The following DHRSX variants were observed in gnomAD, a reference collection of about 807,000 sequenced individuals.
DHRSX encodes the protein polyprenol dehydrogenase.
A neutral mutation model predicts 34.0 loss-of-function variants in DHRSX; 31 were observed. The observed-to-expected ratio is 0.91, with a 90% CI of 0.69 to 1.23. The LOEUF (loss-of-function observed/expected upper bound fraction) is 1.23. Among genes scored for constraint, DHRSX ranks in the 50% most tolerant of loss-of-function variants. The pLI, the probability that DHRSX is intolerant of heterozygous loss-of-function variation, is 0.00. For synonymous variants in DHRSX, 201 were observed against 183.8 expected (o/e 1.09, Z -0.76); for missense variants, 414 against 428.1 (o/e 0.97, Z 0.29).
At chrX:2,405,927 C>A (rs1381967266) in intron 3 of DHRSX, among the ~76,000 whole-genome samples, 1 of 149,368 alleles carries the variant, frequency 6.7e-6, no homozygotes, top group Non-Finnish European at 1.5e-5. Flanking sequence ...AAATAAGGTA[C>A]CACACATAAA....
chrX:2,382,678 CCATCACCATCATCACCAT>C (rs2043220564), intron 3 of DHRSX, among the ~76,000 whole-genome samples: 1 of 52,172 alleles, frequency 1.9e-5, no homozygotes, highest in Non-Finnish European at 4.3e-5. Flanking sequence ...ATCATCATCA[CCATCACCATCATCACCAT>C]CATCACCATC....
chrX:2,294,808 G>GA (rs200100140), intron 3 of DHRSX, among the ~76,000 whole-genome samples: 56,450 of 149,192 alleles, frequency 0.38, 11,428 homozygotes, highest in Middle Eastern at 0.52. Flanking sequence ...AGAGAGAGAG[G>GA]AAAAAGAGAG....
chrX:2,346,771 G>T (rs1265431131), intron 3 of DHRSX, among the ~76,000 whole-genome samples: 1 of 151,876 alleles, frequency 6.6e-6, no homozygotes, highest in Admixed American at 6.6e-5. Flanking sequence ...TCTACATTAG[G>T]TATTTCTCCT....
chrX:2,439,339 T>C (rs2044035869), intron 1 of DHRSX, among the ~76,000 whole-genome samples: 1 of 151,956 alleles, frequency 6.6e-6, no homozygotes. Context: ...ACAGAATGTA[T>C]ATACATATAT....
intron 3 of DHRSX, among the ~76,000 whole-genome samples, chrX:2,398,883 C>T (rs750405816): frequency 1.2e-4 from 18 of 151,992 alleles, no homozygotes; most frequent in Admixed American, 6.6e-4. Context: ...GACGGTGTCT[C>T]GCTCTGTCGC....
chrX:2,317,785 A>C (rs1193766622), intron 3 of DHRSX, among the ~76,000 whole-genome samples: 1 of 152,190 alleles, frequency 6.6e-6, no homozygotes, highest in African/African-American at 2.4e-5. Context: ...CCACTTTTGC[A>C]TAAGACAAAG....
At chrX:2,291,881 T>C (rs1353305660) in intron 3 of DHRSX, among the ~76,000 whole-genome samples, 3 of 145,542 alleles carry the variant, frequency 2.1e-5, no homozygotes. Context: ...GCCCAGCTAA[T>C]TTTTGTATTT....
At chrX:2,461,934 G>A (rs1469649316) in intron 1 of DHRSX, among the ~76,000 whole-genome samples, 12 of 152,028 alleles carry the variant, frequency 7.9e-5, no homozygotes, top group Non-Finnish European at 1.8e-4. Context: ...GCGATCCACC[G>A]GCCTCGGCCT....
intron 1 of DHRSX, among the ~76,000 whole-genome samples, chrX:2,459,655 T>C (rs1887544553): frequency 6.6e-6 from 1 of 150,382 alleles, no homozygotes; most frequent in Non-Finnish European, 1.5e-5. Context: ...TCTATAAAAG[T>C]GACTCCCATT....
rs992375797 is a variant in DHRSX at position 2,392,459 on chromosome X, A to G, written c.286+16286T>C. On this transcript the variant is annotated intron_variant, in intron 3 of 6. Coordinates refer to ENST00000334651, the MANE Select transcript of DHRSX (RefSeq NM_145177.3). ...GAGGCAAAGCCAGCCCGGGCAACACAGCAAGACTCACGTCTCTTAAAAAAT... is the reference window on the plus strand; with the variant it reads ...GAGGCAAAGCCAGCCCGGGCAACACGGCAAGACTCACGTCTCTTAAAAAAT... The G allele has an allele frequency of 4.5e-5, 14 of 309,854 alleles. No individual in the cohort carries two copies. The Admixed American group carries it at 4.6e-4, about 10-fold the overall frequency. The allele number at this position is 309,854 out of a possible 1,614,324, so 19.2% of individuals were successfully genotyped here.
chrX:2,421,537 C>A (rs1216890096), intron 2 of DHRSX, among the ~76,000 whole-genome samples: 1 of 152,200 alleles, frequency 6.6e-6, no homozygotes, highest in Admixed American at 6.5e-5. Flanking sequence ...ACCAGAAGGC[C>A]ACATGGGCTG....
intron 1 of DHRSX, among the ~76,000 whole-genome samples, chrX:2,481,724 G>T (rs946914983): frequency 1.2e-4 from 19 of 152,048 alleles, no homozygotes; most frequent in African/African-American, 4.6e-4. Flanking sequence ...CTTCCAGTGA[G>T]CACACGAGGT....
intron 3 of DHRSX, among the ~76,000 whole-genome samples, chrX:2,346,791 C>T (rs1236167572): frequency 6.6e-6 from 1 of 151,896 alleles, no homozygotes; most frequent in African/African-American, 2.4e-5. Context: ...TAATGCTATC[C>T]CTCCCCCAGT....
At chrX:2,224,341 T>C (rs960932071) in intron 6 of DHRSX, among the ~76,000 whole-genome samples, 2 of 152,232 alleles carry the variant, frequency 1.3e-5, no homozygotes, top group African/African-American at 2.4e-5. Context: ...GTGGTTCCCC[T>C]GTGGGCAGTG....
intron 3 of DHRSX, among the ~76,000 whole-genome samples, chrX:2,353,481 T>C (rs777195439): frequency 1.3e-5 from 2 of 152,182 alleles, no homozygotes; most frequent in Admixed American, 1.3e-4. Context: ...AAATAATTCC[T>C]AGGACAAAGG....
intron 3 of DHRSX, among the ~76,000 whole-genome samples, chrX:2,330,521 G>GAA (rs201209848): frequency 4.3e-4 from 38 of 87,482 alleles, no homozygotes; most frequent in African/African-American, 1.3e-3. Flanking sequence ...CTCCGTGAAA[G>GAA]AAAAAAAAAA....
Position 2,243,010 on chromosome X carries a change from A to G in DHRSX, c.804+13T>C. The G allele has an allele frequency of 6.2e-7, 1 of 1,610,498 alleles. No homozygotes were observed. Among genetic ancestry groups the G allele is most frequent in the Non-Finnish European group, 8.5e-7 (1 of 1,177,426 alleles). ...AGGTGCAGCCGTGAATCAGAGAAGCAGAAGGGGCTTACCTTGAAAAGCAAC... is the reference window on the plus strand; with the variant it reads ...AGGTGCAGCCGTGAATCAGAGAAGCGGAAGGGGCTTACCTTGAAAAGCAAC... On this transcript the variant is annotated intron_variant, in intron 6 of 6. Transcript: ENST00000334651.
intron 1 of DHRSX, among the ~76,000 whole-genome samples, chrX:2,425,550 G>A (rs1282969090): frequency 6.6e-6 from 1 of 152,126 alleles, no homozygotes; most frequent in Admixed American, 6.5e-5. Flanking sequence ...TGAGTCCCTG[G>A]CAGGCTCTGC....
At chrX:2,476,380 AAGAG>A (rs2044678539) in intron 1 of DHRSX, among the ~76,000 whole-genome samples, 1 of 151,550 alleles carries the variant, frequency 6.6e-6, no homozygotes, top group Non-Finnish European at 1.5e-5. Flanking sequence ...CCTTGGCAAC[AAGAG>A]AGAAACTCCA....
Sources: gnomAD v4.1 joint callset for allele counts (sites outside exome capture counted in the v4.1 genomes callset) on GRCh38, gnomAD v4.1.1 for gene constraint, MANE v1.5 for transcripts, NCBI Gene and HGNC (gene_info 2026-07-23, HGNC 2026-07-21) for gene names.